The following ZXDC variants were observed in gnomAD, a reference collection of about 807,000 sequenced individuals.
ZXDC encodes ZXD family zinc finger C.
A neutral mutation model predicts 63.6 loss-of-function variants in ZXDC; 58 were observed. The ratio of observed to expected loss-of-function variants is 0.91; its 90% CI spans 0.74 to 1.13. The LOEUF is 1.13. Ranked by LOEUF, ZXDC falls within the 50% of genes most tolerant of loss-of-function variation. The pLI, the probability that ZXDC is intolerant of heterozygous loss-of-function variation, is 0.00. For synonymous variants in ZXDC, 561 were observed against 496.1 expected (o/e 1.13, Z -1.74); for missense variants, 1,133 against 1,148.9 (o/e 0.99, Z 0.20).
In ZXDC at chr3:126,475,245, G is replaced by T; in HGVS notation, c.621C>A (p.Pro207=). Residue 207 remains proline, a synonymous_variant, in exon 1 of 10, where the codon CCC becomes CCA. Transcript: ENST00000389709. The stretch of plus-strand genomic sequence containing the variant: ...CACAGCCCTCCAGTGGGCACTTGAA[G>T]GGCCGCCGGCCCTGACCGCCGCCGT... ...LTHGGGQGRR[P]FKCPLEGCGW... The T allele has an allele frequency of 6.4e-7, 1 of 1,560,818 alleles. No individual in the cohort carries two copies. Among genetic ancestry groups the T allele is most frequent in the Non-Finnish European group, 8.7e-7 (1 of 1,152,644 alleles).
Position 126,457,673 on chromosome 3 carries a change from C to G in ZXDC, c.2212+1980G>C, listed in dbSNP as rs114181042. 3 of 984,204 alleles carry G rather than the reference C, an allele frequency of 3.0e-6. No homozygotes were observed. The Admixed American group carries it at 1.8e-4, about 61-fold the overall frequency. The allele number at this position is 984,204 out of a possible 1,614,324, so 61.0% of individuals were successfully genotyped here. On this transcript the variant is annotated intron_variant, in intron 7 of 9. Coordinates refer to ENST00000389709, the MANE Select transcript of ZXDC (RefSeq NM_025112.5). ...TGAACTGCACCTCAGGGTAAAAAAA[C>G]GAGAAGCTGCGCTTTATAGACATGT...
intron 7 of ZXDC, among the ~76,000 whole-genome samples, chr3:126,447,845 G>A (rs1370515105): frequency 3.9e-5 from 6 of 152,178 alleles, no homozygotes; most frequent in Non-Finnish European, 4.4e-5. Context: ...ACCCTCGCCC[G>A]CTGTCCATGT....
intron 5 of ZXDC, among the ~76,000 whole-genome samples, chr3:126,464,286 T>A (rs1242334882): frequency 1.3e-5 from 2 of 152,126 alleles, no homozygotes; most frequent in African/African-American, 4.8e-5. Context: ...ATCACCACAG[T>A]TCAAAGCCCA....
intron 7 of ZXDC, chr3:126,454,088 T>C (rs890171242): frequency 5.5e-5 from 50 of 910,574 alleles, no homozygotes; most frequent in Non-Finnish European, 6.3e-5. Context: ...TAAAGACTTT[T>C]GTATAGTTTT....
chr3:126,440,074 CT>C, intron 8 of ZXDC: 1 of 1,101,088 alleles, frequency 9.1e-7, no homozygotes, highest in Middle Eastern at 4.0e-4. Context: ...CCCCACCAAC[CT>C]TGTGTACCCA....
At chr3:126,462,440 A>G (rs1239867117) in intron 5 of ZXDC, among the ~76,000 whole-genome samples, 3 of 152,282 alleles carry the variant, frequency 2.0e-5, no homozygotes, top group Admixed American at 6.5e-5. Context: ...GGCTGAAATC[A>G]GACACTTTAC....
At position 126,472,025 on chromosome 3, in the gene ZXDC, C is replaced by CA; in HGVS notation, c.1086dup (p.Asp363Ter). ...CTGGTGAAGGTCCAGCCACAGCTGT[C>CA]AGAGTCACAAATAAATGGTCTTTCA... On this transcript the variant is annotated frameshift_variant, in exon 3 of 10. Transcript: ENST00000389709. LOFTEE classifies it high-confidence loss of function. The CA allele has an allele frequency of 6.2e-7, 1 of 1,613,712 alleles. No homozygotes were observed. Among genetic ancestry groups the CA allele is most frequent in the Non-Finnish European group, 8.5e-7 (1 of 1,179,858 alleles).
intron 7 of ZXDC, among the ~76,000 whole-genome samples, chr3:126,446,738 GATATA>G (rs200268125): frequency 0.024 from 3,634 of 152,204 alleles, 81 homozygotes; most frequent in Non-Finnish European, 0.032. Context: ...CTCTTATAAA[GATATA>G]ATATGTTAAT....
chr3:126,472,451 C>A, intron 1 of ZXDC, 146 bp from the exon 2 acceptor site: 1 of 1,042,848 alleles, frequency 9.6e-7, no homozygotes, highest in Non-Finnish European at 1.3e-6. Context: ...AAGGGAAGAC[C>A]ATTAATGCTT....
Position 126,462,231 on chromosome 3 carries a change from A to T in ZXDC, c.1442-11T>A. ...GCTGAGGTAAGAGATCTGAAAAAAA[A>T]AGGAATACACTCTGGTTACTTTATG... is the stretch of plus-strand genomic sequence containing the variant. On this transcript the variant is annotated splice_polypyrimidine_tract_variant and intron_variant, in intron 5 of 9. Coordinates refer to ENST00000389709, the MANE Select transcript of ZXDC (RefSeq NM_025112.5). The T allele has an allele frequency of 6.3e-7, 1 of 1,578,716 alleles. No homozygotes were observed. The highest frequency in any genetic ancestry group is 8.6e-7 in the Non-Finnish European group (1 of 1,168,372).
At chr3:126,445,025 G>C (rs182705288) in intron 7 of ZXDC, among the ~76,000 whole-genome samples, 21 of 152,200 alleles carry the variant, frequency 1.4e-4, no homozygotes, top group Admixed American at 1.0e-3. Flanking sequence ...TTCAACTTCT[G>C]TATCAGCATA....
intron 8 of ZXDC, 158 bp from the exon 9 acceptor site, chr3:126,439,885 T>C (rs770286938): frequency 5.5e-5 from 79 of 1,435,636 alleles, no homozygotes; most frequent in Non-Finnish European, 6.4e-5. Context: ...GAATTGTTTA[T>C]GGGGGCTGGG....
rs1304316769 is a variant in ZXDC at position 126,472,298 on chromosome 3, C to T, written c.915G>A (p.Glu305=). Residue 305 remains glutamate, a synonymous_variant, in exon 2 of 10, where the codon GAG becomes GAA. Transcript: ENST00000389709. ...RPYKCDFPGC[E]KTFITVSALF... ...GGGCACTCACTGTGATAAATGTCTTCTCACAGCCTGAACAAGGAAAACACA... is the reference window on the plus strand; with the variant it reads ...GGGCACTCACTGTGATAAATGTCTTTTCACAGCCTGAACAAGGAAAACACA... 4 of 1,605,966 alleles carry T rather than the reference C, an allele frequency of 2.5e-6. No homozygotes were observed. Among genetic ancestry groups the T allele is most frequent in the Non-Finnish European group, 3.4e-6 (4 of 1,173,308 alleles).
intron 6 of ZXDC, chr3:126,460,699 C>T: frequency 2.0e-6 from 2 of 985,350 alleles, no homozygotes; most frequent in Non-Finnish European, 2.4e-6. Context: ...AGCAAGACAC[C>T]AGAAATGCAG....
At chr3:126,472,424 C>G in intron 1 of ZXDC, 119 bp from the exon 2 acceptor site, 1 of 1,241,432 alleles carries the variant, frequency 8.1e-7, no homozygotes, top group Non-Finnish European at 1.1e-6. Flanking sequence ...AAACATGACT[C>G]AGAAGCACTC....
intron 1 of ZXDC, among the ~76,000 whole-genome samples, chr3:126,473,550 T>C (rs991481238): frequency 1.3e-5 from 2 of 152,208 alleles, no homozygotes; most frequent in African/African-American, 2.4e-5. Context: ...CACAGAATGA[T>C]ACTCTTTTAG....
chr3:126,440,276 C>A (rs1027047309), intron 8 of ZXDC: 4 of 989,118 alleles, frequency 4.0e-6, no homozygotes, highest in Admixed American at 5.9e-5. Context: ...TGCATGTCCG[C>A]CCATGGCCAT....
rs1217376508 is a variant in ZXDC, at chr3:126,475,541, C to T, written c.325G>A (p.Glu109Lys). 7.4e-6 allele frequency: 10 copies of T among 1,344,312 alleles called. No homozygotes were observed. Among genetic ancestry groups the T allele is most frequent in the East Asian group, 3.1e-5 (1 of 32,700 alleles). 83.3% of individuals were successfully genotyped at this position (1,344,312 alleles called of 1,614,324 possible). Residue 109 changes from glutamate to lysine, a missense_variant, in exon 1 of 10, where the codon GAG becomes AAG. Glu to Lys is a moderately conservative substitution (Grantham distance 56). Transcript: ENST00000389709. Reference sequence around the variant, plus strand: ...GCGGCCGGGCCGCTGGGGCCCTGCTCGGGGCGGCTCGCCAGGTTGACACGG... The same window carrying T: ...GCGGCCGGGCCGCTGGGGCCCTGCTTGGGGCGGCTCGCCAGGTTGACACGG... ...GSRVNLASRP[E>K]QGPSGPAAPP...
intron 7 of ZXDC, among the ~76,000 whole-genome samples, chr3:126,450,835 G>A (rs182908798): frequency 6.6e-6 from 1 of 152,228 alleles, no homozygotes; most frequent in African/African-American, 2.4e-5. Flanking sequence ...GTGTGTGCCT[G>A]AGCTGCAGTG....
Sources: gnomAD v4.1 joint callset for allele counts (sites outside exome capture counted in the v4.1 genomes callset) on GRCh38, gnomAD v4.1.1 for gene constraint, MANE v1.5 for transcripts, NCBI Gene and HGNC (gene_info 2026-07-23, HGNC 2026-07-21) for gene names.